TECPR2: variants seen among roughly 807,000 people sequenced by gnomAD.
TECPR2 encodes the protein tectonin beta-propeller repeat containing 2.
TECPR2 carries 65 observed loss-of-function variants against 138.1 expected under a neutral mutation model. That is an observed-to-expected ratio of 0.47 (90% CI 0.39 to 0.58). The LOEUF is 0.58. TECPR2 is among the 20% of genes least tolerant of loss of function. The pLI is 0.00. For synonymous variants in TECPR2, 746 were observed against 749.8 expected (o/e 0.99, Z 0.08); for missense variants, 1,553 against 1,824.5 (o/e 0.85, Z 2.71).
intron 1 of TECPR2, among the ~76,000 whole-genome samples, chr14:102,373,487 A>C (rs1887560338): frequency 1.3e-5 from 2 of 152,252 alleles, no homozygotes; most frequent in Admixed American, 1.3e-4. Flanking sequence ...TATTCTAAGC[A>C]CATTTAAGTT....
chr14:102,498,321 T>G lies in TECPR2; in HGVS notation c.*64T>G. 1 of 1,524,022 alleles carries G rather than the reference T, an allele frequency of 6.6e-7. No homozygotes were observed. The highest frequency in any genetic ancestry group is 8.8e-7 in the Non-Finnish European group (1 of 1,141,400). 94.4% of individuals were successfully genotyped at this position (1,524,022 alleles called of 1,614,324 possible). A position where few individuals can be genotyped will look rare whatever the true frequency, so the allele number is the denominator to read the frequency against. Reference sequence around the variant, plus strand: ...TGTGGCGGGCACAGGGGCTTCAGAGTGACTCCCTGGTGGACGCGCTGCCTC... The same window carrying G: ...TGTGGCGGGCACAGGGGCTTCAGAGGGACTCCCTGGTGGACGCGCTGCCTC... On this transcript the variant is annotated 3_prime_UTR_variant, in exon 20 of 20. Transcript: ENST00000359520.
At chr14:102,492,484 T>C (rs1384819655) in intron 17 of TECPR2, among the ~76,000 whole-genome samples, 1 of 152,252 alleles carries the variant, frequency 6.6e-6, no homozygotes, top group Non-Finnish European at 1.5e-5. Context: ...TTTTCAAATG[T>C]ATATTTTCCT....
chr14:102,408,635 G>A lies in TECPR2; in HGVS notation c.480+16G>A, dbSNP rs1232768792. 5 of 1,594,928 alleles carry A rather than the reference G, an allele frequency of 3.1e-6. No individual in the cohort carries two copies. Among genetic ancestry groups the A allele is most frequent in the Non-Finnish European group, 4.3e-6 (5 of 1,174,114 alleles). ...TCTAGACCAGGTAAAATTATTTTCA[G>A]AAATACTGTTGGCTCTTACCTTCTT... On this transcript the variant is annotated intron_variant, in intron 4 of 19. Transcript: ENST00000359520.
chr14:102,410,476 A>G, intron 4 of TECPR2, among the ~76,000 whole-genome samples: 1 of 73,164 alleles, frequency 1.4e-5, no homozygotes, highest in Non-Finnish European at 3.6e-5. Context: ...AAATTAAAAA[A>G]AAAAATAAAA....
intron 16 of TECPR2, among the ~76,000 whole-genome samples, chr14:102,462,837 G>A (rs1309969533): frequency 6.6e-6 from 1 of 152,210 alleles, no homozygotes; most frequent in African/African-American, 2.4e-5. Flanking sequence ...CCTACAATGT[G>A]CAGAGAACTC....
chr14:102,452,647 A>G lies in TECPR2; in HGVS notation c.3640+20A>G. 6.5e-7 allele frequency: 1 copy of G among 1,547,160 alleles called. No homozygotes were observed. Among genetic ancestry groups the G allele is most frequent in the Non-Finnish European group, 8.8e-7 (1 of 1,141,258 alleles). On this transcript the variant is annotated intron_variant, in intron 16 of 19. Transcript: ENST00000359520. ...AGCTAGGTACGGCCACCTCGTGAGT[A>G]CACCTGCCGGTGCCCTGACTGCCCT...
intron 10 of TECPR2, chr14:102,438,457 T>C: frequency 2.1e-6 from 1 of 472,532 alleles, no homozygotes; most frequent in Non-Finnish European, 3.7e-6. Context: ...CTTTATTAAT[T>C]GCAATGGTAA....
intron 15 of TECPR2, 117 bp downstream of exon 15, chr14:102,450,766 A>C: frequency 6.0e-6 from 6 of 1,002,202 alleles, no homozygotes; most frequent in Non-Finnish European, 9.1e-6. Flanking sequence ...GAGACTGACC[A>C]CGTGAGGGTG....
In TECPR2 at chr14:102,452,315, C is replaced by T; in HGVS notation, c.3407-79C>T. Reference sequence around the variant, plus strand: ...CAGGTGGCTAGCGTCTGCTGAAAGGCAAAGGCTGCCTTGTGCATTTAGGGC... The same window carrying T: ...CAGGTGGCTAGCGTCTGCTGAAAGGTAAAGGCTGCCTTGTGCATTTAGGGC... On this transcript the variant is annotated intron_variant, in intron 15 of 19. Coordinates refer to ENST00000359520, the MANE Select transcript of TECPR2 (RefSeq NM_014844.5). 6.9e-6 allele frequency: 10 copies of T among 1,445,716 alleles called. No individual in the cohort carries two copies. In the Admixed American group the frequency reaches 8.3e-5, roughly 12 times the overall value. The allele number at this position is 1,445,716 out of a possible 1,614,324, so 89.6% of individuals were successfully genotyped here. A position where few individuals can be genotyped will look rare whatever the true frequency, so the allele number is the denominator to read the frequency against.
chr14:102,443,512 T>G lies in TECPR2; in HGVS notation c.2753-135T>G, dbSNP rs941286126. 4 of 752,984 alleles carry G rather than the reference T, an allele frequency of 5.3e-6. No homozygotes were observed. The highest frequency in any genetic ancestry group is 4.2e-5 in the Admixed American group (1 of 23,916). 46.6% of individuals were successfully genotyped at this position (752,984 alleles called of 1,614,324 possible). ...TTTTTAATTAATTAATTAATTAAAGTTTTTTTTTAAAGCACTCATCATAAA... is the reference window on the plus strand; with the variant it reads ...TTTTTAATTAATTAATTAATTAAAGGTTTTTTTTAAAGCACTCATCATAAA... On this transcript the variant is annotated intron_variant, in intron 11 of 19. Coordinates refer to ENST00000359520, the MANE Select transcript of TECPR2 (RefSeq NM_014844.5). The surrounding 1 kb of genome is among the most constrained non-coding windows in gnomAD (Gnocchi z 4.9).
In TECPR2 at chr14:102,419,324, G is replaced by T. The variant is rs1218155631; in HGVS notation, c.638+4531G>T. ...GGGCTGAAAGAGGAGTTGACGGCGAGTATGGAGAGCTTTTAGGAGGAGTGT... is the reference window on the plus strand; with the variant it reads ...GGGCTGAAAGAGGAGTTGACGGCGATTATGGAGAGCTTTTAGGAGGAGTGT... On this transcript the variant is annotated intron_variant, in intron 5 of 19. Coordinates refer to ENST00000359520, the MANE Select transcript of TECPR2 (RefSeq NM_014844.5). The surrounding 1 kb of genome is among the most constrained non-coding windows in gnomAD (Gnocchi z 4.8). 6.6e-6 allele frequency among the ~76,000 whole-genome samples: 1 copy of T among 152,190 alleles called. No individual in the cohort carries two copies. The highest frequency in any genetic ancestry group is 1.5e-5 in the Non-Finnish European group (1 of 68,022).
intron 7 of TECPR2, among the ~76,000 whole-genome samples, chr14:102,431,520 T>TC (rs1889478909): frequency 1.3e-5 from 2 of 152,084 alleles, no homozygotes; most frequent in Non-Finnish European, 2.9e-5. Flanking sequence ...TTTTTTGTAT[T>TC]TTTAGTAGAG....
chr14:102,470,115 C>T (rs1890625589), intron 17 of TECPR2, among the ~76,000 whole-genome samples: 1 of 152,076 alleles, frequency 6.6e-6, no homozygotes. Context: ...ATAGAATGCA[C>T]TGGGAAGTGT....
At chr14:102,404,339 TG>T (rs1888589379) in intron 2 of TECPR2, among the ~76,000 whole-genome samples, 1 of 152,176 alleles carries the variant, frequency 6.6e-6, no homozygotes, top group South Asian at 2.1e-4. Context: ...AAAATTCATA[TG>T]GGATCTCAGG....
rs141096471 is a variant in TECPR2 at position 102,474,716 on chromosome 14, G to A, written c.3789+9427G>A. Among the ~76,000 whole-genome samples, 6 of 152,172 alleles carry A rather than the reference G, an allele frequency of 3.9e-5. No homozygotes were observed. In the East Asian group the frequency reaches 1.2e-3, roughly 29 times the overall value. Reference sequence around the variant, plus strand: ...GTAGGAAAACTTTTTCATGATCAGGGAGAAAAATAGGTATATTTTACAAGG... The same window carrying A: ...GTAGGAAAACTTTTTCATGATCAGGAAGAAAAATAGGTATATTTTACAAGG... On this transcript the variant is annotated intron_variant, in intron 17 of 19. Transcript: ENST00000359520.
In TECPR2 at chr14:102,498,733, G is replaced by T; in HGVS notation, c.*476G>T. 1 of 448,412 alleles carries T rather than the reference G, an allele frequency of 2.2e-6. No individual in the cohort carries two copies. The highest frequency in any genetic ancestry group is 4.4e-6 in the Non-Finnish European group (1 of 227,372). The allele number at this position is 448,412 out of a possible 1,614,324, so 27.8% of individuals were successfully genotyped here. On this transcript the variant is annotated 3_prime_UTR_variant, in exon 20 of 20. Transcript: ENST00000359520. ...TCGGTGATGGCTTTGTCCCATCATAGGGGGGTGTCCCCCCAGAGACAAAGC... is the reference window on the plus strand; with the variant it reads ...TCGGTGATGGCTTTGTCCCATCATATGGGGGTGTCCCCCCAGAGACAAAGC...
At chr14:102,378,207 A>G (rs560209818) in intron 2 of TECPR2, among the ~76,000 whole-genome samples, 50 of 152,304 alleles carry the variant, frequency 3.3e-4, no homozygotes, top group Non-Finnish European at 6.0e-4. Context: ...GGACCAAGAT[A>G]CAGCTTTTGT....
chr14:102,472,736 G>C (rs562246863), intron 17 of TECPR2, among the ~76,000 whole-genome samples: 1 of 152,178 alleles, frequency 6.6e-6, no homozygotes, highest in African/African-American at 2.4e-5. Flanking sequence ...AGAAAAGTCC[G>C]TAGTTCCCCC....
chr14:102,398,119 A>G (rs544319079), intron 2 of TECPR2, among the ~76,000 whole-genome samples: 2 of 151,672 alleles, frequency 1.3e-5, no homozygotes, highest in South Asian at 4.1e-4. Flanking sequence ...AAAAAGGAAA[A>G]CAGTGTACAA....
Sources: allele counts gnomAD v4.1 joint callset (sites outside exome capture counted in the v4.1 genomes callset), GRCh38; gene constraint gnomAD v4.1.1; non-coding constraint Gnocchi (gnomAD v3.1); transcripts MANE v1.5; gene names NCBI Gene and HGNC (gene_info 2026-07-23, HGNC 2026-07-21).